Variants in SH3GLB1 observed in about 807,000 individuals in gnomAD.
SH3GLB1 encodes SH3 domain containing GRB2 like, endophilin B1.
In SH3GLB1, 17 loss-of-function variants were observed where a neutral mutation model predicts 42.0. The observed-to-expected ratio is 0.40, with a 90% confidence interval of 0.28 to 0.61. SH3GLB1 has a LOEUF of 0.61. SH3GLB1 is among the 20% of genes least tolerant of loss of function. The pLI, the probability that SH3GLB1 is intolerant of heterozygous loss-of-function variation, is 0.36. For missense variants in SH3GLB1, 355 were observed against 426.3 expected, an observed-to-expected ratio of 0.83 and a Z score of 1.47; for synonymous variants, 132 against 146.6, an observed-to-expected ratio of 0.90 and a Z score of 0.72.
In SH3GLB1 at chr1:86,742,435, A is replaced by G. The variant is rs1464793993; in HGVS notation, c.989A>G (p.Glu330Gly). 4 of 1,612,134 alleles carry G rather than the reference A, an allele frequency of 2.5e-6. No individual in the cohort carries two copies. Among genetic ancestry groups the G allele is most frequent in the Non-Finnish European group, 3.4e-6 (4 of 1,178,368 alleles). ...NSTELSLLAD[E>G]VITVFSVVGM... Reference sequence around the variant, plus strand: ...ACTGAATTATCACTTCTGGCAGATGAGGTGAGTATTGTGGGTATGAGAAGG... The same window carrying G: ...ACTGAATTATCACTTCTGGCAGATGGGGTGAGTATTGTGGGTATGAGAAGG... Residue 330 changes from glutamate to glycine, a missense_variant and splice_region_variant, in exon 8 of 9, where the codon GAG (glutamate) becomes GGG (glycine). Glu to Gly is a moderately conservative substitution (Grantham distance 98, BLOSUM62 -2). Coordinates refer to ENST00000370558, the MANE Select transcript of SH3GLB1 (RefSeq NM_016009.5).
intron 1 of SH3GLB1, among the ~76,000 whole-genome samples, chr1:86,714,469 G>A (rs933052811): frequency 3.3e-5 from 5 of 152,166 alleles, no homozygotes; most frequent in Admixed American, 6.5e-5. Flanking sequence ...AAAGACCCAA[G>A]GCTTTACAAA....
chr1:86,730,503 A>G (rs924159738), intron 5 of SH3GLB1: 2 of 605,274 alleles, frequency 3.3e-6, no homozygotes, highest in Non-Finnish European at 4.1e-6. Context: ...CGCACAAATG[A>G]ATTTTTTTTT....
Position 86,742,188 on chromosome 1 carries a change from CGCT to C in SH3GLB1, c.762-16_762-14del. The C allele has an allele frequency of 6.3e-7, 1 of 1,590,398 alleles. No homozygotes were observed. The highest frequency in any genetic ancestry group is 8.6e-7 in the Non-Finnish European group (1 of 1,158,806). On this transcript the variant is annotated splice_polypyrimidine_tract_variant and intron_variant, in intron 7 of 8. Transcript: ENST00000370558. ...TTTAGTCACTTGGAAATAAATAATT[CGCT>C]GCTTTCTTTTCAACAGTTTTCCATC...
At chr1:86,717,748 G>A (rs187819758) in intron 2 of SH3GLB1, among the ~76,000 whole-genome samples, 1 of 152,170 alleles carries the variant, frequency 6.6e-6, no homozygotes, top group East Asian at 1.9e-4. Context: ...AGTTACATAG[G>A]TTTTGAGCAG....
intron 1 of SH3GLB1, among the ~76,000 whole-genome samples, 193 bp downstream of exon 1, chr1:86,705,164 C>T (rs754384572): frequency 2.0e-4 from 30 of 152,190 alleles, no homozygotes; most frequent in Admixed American, 6.5e-5. Context: ...TCCTGCCCAA[C>T]CGCCGCTCCC....
At chr1:86,728,176 A>G (rs541379489) in intron 5 of SH3GLB1, among the ~76,000 whole-genome samples, 1 of 152,174 alleles carries the variant, frequency 6.6e-6, no homozygotes, top group African/African-American at 2.4e-5. Flanking sequence ...TTTAAAGTCA[A>G]GCATCAACAT....
intron 1 of SH3GLB1, among the ~76,000 whole-genome samples, chr1:86,715,372 C>G (rs1164783441): frequency 6.6e-6 from 1 of 152,180 alleles, no homozygotes; most frequent in African/African-American, 2.4e-5. Context: ...TCAACTGACT[C>G]AAAGCTCTTA....
intron 5 of SH3GLB1, among the ~76,000 whole-genome samples, chr1:86,733,042 T>C (rs1029225654): frequency 6.6e-6 from 1 of 152,132 alleles, no homozygotes; most frequent in African/African-American, 2.4e-5. Flanking sequence ...ATATGTAATA[T>C]TGATGTGATT....
At chr1:86,731,217 T>C (rs917820998) in intron 5 of SH3GLB1, among the ~76,000 whole-genome samples, 3 of 152,232 alleles carry the variant, frequency 2.0e-5, no homozygotes, top group Non-Finnish European at 1.5e-5. Context: ...GCATTTTTCA[T>C]TTACTTCTTA....
chr1:86,706,282 A>G (rs1054055683), intron 1 of SH3GLB1, among the ~76,000 whole-genome samples: 2 of 152,222 alleles, frequency 1.3e-5, no homozygotes, highest in South Asian at 4.1e-4. Flanking sequence ...TAGCTAGAAT[A>G]ATAGAATGCT....
chr1:86,721,770 T>C (rs965057495), intron 3 of SH3GLB1, among the ~76,000 whole-genome samples: 2 of 152,090 alleles, frequency 1.3e-5, no homozygotes, highest in African/African-American at 4.8e-5. Context: ...ATAACCACAG[T>C]CACCCCTCGA....
In SH3GLB1 at chr1:86,743,456, CTT is replaced by C. The variant is rs982888149; in HGVS notation, c.*225_*226del. ...CAAGAATGTTTTCTTACAAAATTCT[CTT>C]TTTATTGAGGTTTCACTAATAAGCA... On this transcript the variant is annotated 3_prime_UTR_variant, in exon 9 of 9. Transcript: ENST00000370558. 1.3e-5 allele frequency: 4 copies of C among 312,262 alleles called. No homozygotes were observed. Among genetic ancestry groups the C allele is most frequent in the Non-Finnish European group, 2.3e-5 (4 of 171,192 alleles). The allele number at this position is 312,262 out of a possible 1,614,324, so 19.3% of individuals were successfully genotyped here.
At chr1:86,712,561 C>T (rs1380100173) in intron 1 of SH3GLB1, among the ~76,000 whole-genome samples, 1 of 152,140 alleles carries the variant, frequency 6.6e-6, no homozygotes, top group Non-Finnish European at 1.5e-5. Context: ...GTAGAATGCA[C>T]AGCTTAGTTA....
Position 86,735,178 on chromosome 1 carries a change from A to G in SH3GLB1, c.760A>G (p.Ser254Gly). ...GTTGGACCTCCAGAAACAACTGGGA[A>G]GGTGATAATTTACTTTTCACATGTA... is the stretch of plus-strand genomic sequence containing the variant. The part of the protein sequence containing the change: ...YMLDLQKQLG[S>G]FPSNYLSNNN... Residue 254 changes from serine to glycine, a missense_variant and splice_region_variant, in exon 7 of 9, where the codon AGT (serine) becomes GGT (glycine). Transcript: ENST00000370558. 6.2e-7 allele frequency: 1 copy of G among 1,602,338 alleles called. No homozygotes were observed. Among genetic ancestry groups the G allele is most frequent in the Non-Finnish European group, 8.5e-7 (1 of 1,169,754 alleles).
In SH3GLB1 at chr1:86,742,456, G is replaced by A. The variant is rs1377488625; in HGVS notation, c.990+20G>A. 1 of 1,571,894 alleles carries A rather than the reference G, an allele frequency of 6.4e-7. No individual in the cohort carries two copies. Among genetic ancestry groups the A allele is most frequent in the Non-Finnish European group, 8.8e-7 (1 of 1,142,450 alleles). Reference sequence around the variant, plus strand: ...GATGAGGTGAGTATTGTGGGTATGAGAAGGAAAATATATCACGAATTGACA... The same window carrying A: ...GATGAGGTGAGTATTGTGGGTATGAAAAGGAAAATATATCACGAATTGACA... On this transcript the variant is annotated intron_variant, in intron 8 of 8. Coordinates refer to ENST00000370558, the MANE Select transcript of SH3GLB1 (RefSeq NM_016009.5).
chr1:86,725,363 C>T (rs1655139576), intron 5 of SH3GLB1, among the ~76,000 whole-genome samples: 1 of 151,832 alleles, frequency 6.6e-6, no homozygotes, highest in Admixed American at 6.6e-5. Flanking sequence ...GTATATATTC[C>T]AGAAAACCTC....
chr1:86,734,503 G>A (rs1655678523), intron 5 of SH3GLB1, 99 bp from the exon 6 acceptor site: 1 of 818,674 alleles, frequency 1.2e-6, no homozygotes, highest in African/African-American at 1.7e-5. Context: ...ATTATAACTT[G>A]AGGTTTGTTC....
intron 7 of SH3GLB1, 21 bp from the exon 8 acceptor site, chr1:86,742,187 T>A (rs1432051396): frequency 6.3e-7 from 1 of 1,592,524 alleles, no homozygotes; most frequent in Middle Eastern, 1.7e-4. Flanking sequence ...AATAAATAAT[T>A]CGCTGCTTTC....
intron 5 of SH3GLB1, among the ~76,000 whole-genome samples, chr1:86,725,388 GTATATAT>G (rs1371411531): frequency 6.6e-6 from 1 of 151,908 alleles, no homozygotes; most frequent in Non-Finnish European, 1.5e-5. Flanking sequence ...TATTGAGTAG[GTATATAT>G]TAAATATAAT....
Sources: allele counts gnomAD v4.1 joint callset (sites outside exome capture counted in the v4.1 genomes callset), GRCh38; gene constraint gnomAD v4.1.1; transcripts MANE v1.5; gene names NCBI Gene and HGNC (gene_info 2026-07-23, HGNC 2026-07-21).